The following SCAF4 variants were observed in gnomAD, a reference collection of about 807,000 sequenced individuals.
The protein encoded by SCAF4 is SR-related and CTD-associated factor 4.
In SCAF4, 25 loss-of-function variants were observed where a neutral mutation model predicts 129.8. The observed-to-expected ratio is 0.19, with a 90% CI of 0.14 to 0.27. The LOEUF is 0.27. Ranked by LOEUF, SCAF4 falls within the 10% of genes least tolerant of loss-of-function variation. The probability of loss-of-function intolerance (pLI) is 1.00; values close to 1 mark genes in which losing one functional copy is unlikely to be tolerated. For missense variants in SCAF4, 1,246 were observed against 1,457.1 expected, an observed-to-expected ratio of 0.86 and a Z score of 2.36; for synonymous variants, 551 against 497.7, an observed-to-expected ratio of 1.11 and a Z score of -1.43.
At position 31,690,801 on chromosome 21, in the gene SCAF4, G is replaced by T; in HGVS notation, c.1881C>A (p.Asn627Lys). 1 of 1,612,132 alleles carries T rather than the reference G, an allele frequency of 6.2e-7. No homozygotes were observed. Among genetic ancestry groups the T allele is most frequent in the East Asian group, 2.2e-5 (1 of 44,860 alleles). Residue 627 changes from asparagine to lysine, a missense_variant, in exon 15 of 20, where the codon AAC (asparagine) becomes AAA (lysine). Coordinates refer to ENST00000286835, the MANE Select transcript of SCAF4 (RefSeq NM_020706.2). ...EGGMLDSDTLNPDWKGIPKKP... is the reference protein window; with the variant it reads ...EGGMLDSDTLKPDWKGIPKKP... The stretch of plus-strand genomic sequence containing the variant: ...AGAAATTAAATACTGCTTTACCTGG[G>T]TTAAGTGTGTCACTGTCCAACATTC...
chr21:31,676,796 A>C (rs576583876), intron 19 of SCAF4, among the ~76,000 whole-genome samples: 10 of 152,310 alleles, frequency 6.6e-5, no homozygotes, highest in African/African-American at 1.9e-4. Context: ...TCAACTTTAG[A>C]ACATTTTTAT....
chr21:31,700,741 CTTTTTTT>C, intron 7 of SCAF4: 2 of 289,694 alleles, frequency 6.9e-6, no homozygotes, highest in South Asian at 4.2e-5. Context: ...CTAACTTTTT[CTTTTTTT>C]TTTTTTTTTC....
At chr21:31,684,578 C>G (rs1468509072) in intron 19 of SCAF4, 2 of 154,550 alleles carry the variant, frequency 1.3e-5, no homozygotes, top group Non-Finnish European at 2.9e-5. Context: ...AAGATGATTT[C>G]TTTGCTAGCC....
At chr21:31,688,566 T>A in intron 15 of SCAF4, 102 bp from the exon 16 acceptor site, 1 of 913,416 alleles carries the variant, frequency 1.1e-6, no homozygotes, top group Non-Finnish European at 1.7e-6. Context: ...GCCCAGTTAT[T>A]AAAGAAATTC....
chr21:31,680,863 T>C (rs989536126), intron 19 of SCAF4, among the ~76,000 whole-genome samples: 4 of 152,238 alleles, frequency 2.6e-5, no homozygotes, highest in African/African-American at 9.6e-5. Flanking sequence ...CAAATTCCTA[T>C]TGATATTGCT....
chr21:31,685,884 CTTCTA>C (rs1276125132), intron 16 of SCAF4, 151 bp from the exon 17 acceptor site: 1 of 727,300 alleles, frequency 1.4e-6, no homozygotes, highest in African/African-American at 1.8e-5. Flanking sequence ...TGGTAGTTAA[CTTCTA>C]TTCATACCAA....
chr21:31,702,240 A>G lies in SCAF4; in HGVS notation c.457+4T>C. The G allele has an allele frequency of 6.2e-7, 1 of 1,614,068 alleles. No homozygotes were observed. Among genetic ancestry groups the G allele is most frequent in the African/African-American group, 1.3e-5 (1 of 75,036 alleles). On this transcript the variant is annotated splice_donor_region_variant and intron_variant, in intron 5 of 19. Coordinates refer to ENST00000286835, the MANE Select transcript of SCAF4 (RefSeq NM_020706.2). Reference sequence around the variant, plus strand: ...TGTGAGCTCACAGATACATCTGACCATACCTTCATTATTGGTAACATTTTC... The same window carrying G: ...TGTGAGCTCACAGATACATCTGACCGTACCTTCATTATTGGTAACATTTTC...
At chr21:31,702,089 A>G (rs571691869) in intron 5 of SCAF4, among the ~76,000 whole-genome samples, 155 bp downstream of exon 5, 38 of 152,362 alleles carry the variant, frequency 2.5e-4, no homozygotes, top group Non-Finnish European at 4.6e-4. Flanking sequence ...GACCTTTATT[A>G]TAAATAGGAA....
rs1274654447 is a variant in SCAF4 at position 31,694,841 on chromosome 21, T to C, written c.1208A>G (p.Glu403Gly). 6.2e-7 allele frequency: 1 copy of C among 1,614,190 alleles called. No homozygotes were observed. The highest frequency in any genetic ancestry group is 8.5e-7 in the Non-Finnish European group (1 of 1,180,014). Residue 403 changes from glutamate to glycine, a missense_variant, in exon 10 of 20, where the codon GAA (glutamate) becomes GGA (glycine). Glu to Gly is a moderately conservative substitution (Grantham distance 98, BLOSUM62 -2). Transcript: ENST00000286835. ...PFQASFQAQN[E>G]PLTQKPHQQE... ...CTGATGCGGCTTCTGTGTAAGTGGT[T>C]CATTTTGTGCCTGAAAAGAAGCTTG...
intron 19 of SCAF4, among the ~76,000 whole-genome samples, chr21:31,681,313 G>A (rs1286214322): frequency 1.3e-5 from 2 of 152,136 alleles, no homozygotes; most frequent in Non-Finnish European, 2.9e-5. Context: ...TGCTTGAAAA[G>A]ATATTTTGGA....
In SCAF4 at chr21:31,696,711, C is replaced by T. The variant is rs1420432185; in HGVS notation, c.817G>A (p.Ala273Thr). ...TCCTCTTTCTTTGATTCTTCCACAG[C>T]TTCTGGCTCATCATCATAGTCAAAT... ...DRFDYDDEPEAVEESKKEDTT... is the reference protein window; with the variant it reads ...DRFDYDDEPETVEESKKEDTT... The change falls in exon 8 of 20, where the codon GCT becomes ACT. Residue 273 changes from alanine (A) to threonine (T), a missense_variant. Coordinates refer to ENST00000286835, the MANE Select transcript of SCAF4 (RefSeq NM_020706.2). 2 of 1,613,330 alleles carry T rather than the reference C, an allele frequency of 1.2e-6. No individual in the cohort carries two copies. Among genetic ancestry groups the T allele is most frequent in the East Asian group, 2.2e-5 (1 of 44,876 alleles).
rs1453801916 is a variant in SCAF4, at chr21:31,671,016, A to T, written c.*383T>A. 1 of 181,122 alleles carries T rather than the reference A, an allele frequency of 5.5e-6. No individual in the cohort carries two copies. 11.2% of individuals were successfully genotyped at this position (181,122 alleles called of 1,614,324 possible). A position where few individuals can be genotyped will look rare whatever the true frequency, so the allele number is the denominator to read the frequency against. ...TTCCACCTTAATGCAGTGTAGGAAGAATAGCACACATTAAAGTTTGTTACG... is the reference window on the plus strand; with the variant it reads ...TTCCACCTTAATGCAGTGTAGGAAGTATAGCACACATTAAAGTTTGTTACG... On this transcript the variant is annotated 3_prime_UTR_variant, in exon 20 of 20. Transcript: ENST00000286835.
Position 31,671,210 on chromosome 21 carries a change from A to G in SCAF4, c.*189T>C. The G allele has an allele frequency of 3.9e-6, 2 of 509,654 alleles. No individual in the cohort carries two copies. The highest frequency in any genetic ancestry group is 6.6e-6 in the Non-Finnish European group (2 of 303,906). 31.6% of individuals were successfully genotyped at this position (509,654 alleles called of 1,614,324 possible). A position where few individuals can be genotyped will look rare whatever the true frequency, so the allele number is the denominator to read the frequency against. On this transcript the variant is annotated 3_prime_UTR_variant, in exon 20 of 20. Transcript: ENST00000286835. ...ACAGCAAAAAGGGTAATATTTATTC[A>G]TATTTTCAGTATTTTTTGTTATTTT...
chr21:31,679,502 T>C (rs2833479), intron 19 of SCAF4, among the ~76,000 whole-genome samples: 18,742 of 152,188 alleles, frequency 0.12, 1,839 homozygotes, highest in East Asian at 0.51. Flanking sequence ...TAGAAGGCAC[T>C]ATGTTCTGAG....
intron 1 of SCAF4, among the ~76,000 whole-genome samples, chr21:31,711,126 A>C (rs1026205840): frequency 6.6e-6 from 1 of 152,138 alleles, no homozygotes; most frequent in South Asian, 2.1e-4. Flanking sequence ...TTTTGGGATG[A>C]CTTTTATTCT....
chr21:31,696,095 C>T lies in SCAF4; in HGVS notation c.1068+18G>A. 1.3e-6 allele frequency: 2 copies of T among 1,565,182 alleles called. No homozygotes were observed. The highest frequency in any genetic ancestry group is 1.8e-6 in the Non-Finnish European group (2 of 1,136,302). ...AATGAATAGATCTTTCTTTGAACTG[C>T]AAGAAAAATGCTTGTACCTGATGGT... On this transcript the variant is annotated intron_variant, in intron 9 of 19. Coordinates refer to ENST00000286835, the MANE Select transcript of SCAF4 (RefSeq NM_020706.2).
chr21:31,709,161 TGGGCAC>T (rs1401149131), intron 1 of SCAF4, among the ~76,000 whole-genome samples: 1 of 152,148 alleles, frequency 6.6e-6, no homozygotes, highest in East Asian at 1.9e-4. Context: ...TGAGGCCCAC[TGGGCAC>T]TGGTATCCCC....
chr21:31,715,716 T>C (rs897333720), intron 1 of SCAF4, among the ~76,000 whole-genome samples: 18 of 152,222 alleles, frequency 1.2e-4, no homozygotes, highest in Non-Finnish European at 2.4e-4. Context: ...TTCCTCCAAG[T>C]CAATGTTTTC....
chr21:31,713,084 T>G (rs2050843808), intron 1 of SCAF4, among the ~76,000 whole-genome samples: 1 of 152,224 alleles, frequency 6.6e-6, no homozygotes, highest in African/African-American at 2.4e-5. Flanking sequence ...ATGAACTTGT[T>G]AGTTGTAAAT....
Sources: gnomAD v4.1 joint callset for allele counts (sites outside exome capture counted in the v4.1 genomes callset) on GRCh38, gnomAD v4.1.1 for gene constraint, MANE v1.5 for transcripts, NCBI Gene and HGNC (gene_info 2026-07-23, HGNC 2026-07-21) for gene names.